Variants in XRRA1 observed in about 807,000 individuals in gnomAD.
The protein encoded by XRRA1 is X-ray radiation resistance associated 1.
In XRRA1, 69 loss-of-function variants were observed where a neutral mutation model predicts 80.2. The observed-to-expected ratio is 0.86, with a 90% CI of 0.71 to 1.05. XRRA1 has a LOEUF of 1.05. Among genes scored for constraint, XRRA1 ranks in the 50% least tolerant of loss-of-function variants. The pLI, the probability that XRRA1 is intolerant of heterozygous loss-of-function variation, is 0.00. For missense variants in XRRA1, 967 were observed against 976.4 expected (o/e 0.99, Z 0.13); for synonymous variants, 348 against 389.9 (o/e 0.89, Z 1.27).
intron 8 of XRRA1, among the ~76,000 whole-genome samples, chr11:74,910,352 C>T (rs528204080): frequency 4.6e-5 from 7 of 152,152 alleles, no homozygotes; most frequent in Non-Finnish European, 7.3e-5. Context: ...CTGTGCTGGT[C>T]GTGCCTGAGA....
intron 10 of XRRA1, among the ~76,000 whole-genome samples, chr11:74,892,363 T>G (rs1048662516): frequency 2.0e-5 from 3 of 152,322 alleles, no homozygotes; most frequent in African/African-American, 7.2e-5. Context: ...TGTAGAAAGC[T>G]GAAACTGGAT....
intron 11 of XRRA1, among the ~76,000 whole-genome samples, chr11:74,859,560 G>A (rs1164479671): frequency 5.3e-5 from 8 of 152,108 alleles, no homozygotes; most frequent in Non-Finnish European, 1.2e-4. Context: ...ATATAGCACT[G>A]GTGCAGACAT....
At chr11:74,891,857 G>A (rs1591110512) in intron 10 of XRRA1, among the ~76,000 whole-genome samples, 7 of 152,204 alleles carry the variant, frequency 4.6e-5, no homozygotes, top group African/African-American at 1.7e-4. Flanking sequence ...GCAATGTGAA[G>A]GACCTCTTCA....
chr11:74,929,698 C>G (rs1308819540), intron 6 of XRRA1, among the ~76,000 whole-genome samples: 3 of 152,202 alleles, frequency 2.0e-5, no homozygotes, highest in African/African-American at 7.2e-5. Context: ...TTTCTGGTCT[C>G]AGCTTAGGTG....
intron 5 of XRRA1, among the ~76,000 whole-genome samples, chr11:74,930,606 T>C (rs1943293341): frequency 6.6e-6 from 1 of 152,220 alleles, no homozygotes; most frequent in Non-Finnish European, 1.5e-5. Context: ...TGAAGACCCA[T>C]ATAACCACTA....
rs1278139356 is a variant in XRRA1, at chr11:74,841,820, G to A, written c.*1380C>T. ...TTGGCCCTGGTTCCAGATTAATATA[G>A]CAGCAGGCAGATTGCCCCTTCTTGG... is the stretch of plus-strand genomic sequence containing the variant. On this transcript the variant is annotated 3_prime_UTR_variant, in exon 19 of 19. Coordinates refer to ENST00000684022, the MANE Select transcript of XRRA1 (RefSeq NM_001378157.1). 1 of 152,268 alleles carries A rather than the reference G, an allele frequency of 6.6e-6. No homozygotes were observed. Among genetic ancestry groups the A allele is most frequent in the South Asian group, 2.1e-4 (1 of 4,820 alleles). 9.4% of individuals were successfully genotyped at this position (152,268 alleles called of 1,614,324 possible).
rs1192582572 is a variant in XRRA1 at position 74,845,284 on chromosome 11, A to G, written c.1729-13T>C. ...GCAGTTCACTCACCTGTGCCCAGGA[A>G]GAAAACGCATTCATTTGTCACTCAT... On this transcript the variant is annotated splice_polypyrimidine_tract_variant and intron_variant, in intron 15 of 18. Coordinates refer to ENST00000684022, the MANE Select transcript of XRRA1 (RefSeq NM_001378157.1). 2.5e-6 allele frequency: 4 copies of G among 1,602,526 alleles called. No individual in the cohort carries two copies. Among genetic ancestry groups the G allele is most frequent in the Non-Finnish European group, 3.4e-6 (4 of 1,173,238 alleles).
At chr11:74,903,812 T>C (rs1383143432) in intron 10 of XRRA1, among the ~76,000 whole-genome samples, 1 of 152,206 alleles carries the variant, frequency 6.6e-6, no homozygotes, top group East Asian at 1.9e-4. Flanking sequence ...CTCAAGACCA[T>C]ATTACCATTA....
Position 74,842,934 on chromosome 11 carries a change from G to A in XRRA1, c.*266C>T. Reference sequence around the variant, plus strand: ...GTGTGACAATGCTGCTGTGGCCTGGGTTCCAAGAAAGAATGCATGTGGCAC... The same window carrying A: ...GTGTGACAATGCTGCTGTGGCCTGGATTCCAAGAAAGAATGCATGTGGCAC... On this transcript the variant is annotated 3_prime_UTR_variant, in exon 19 of 19. Transcript: ENST00000684022. The A allele has an allele frequency of 4.3e-6, 2 of 460,734 alleles. No individual in the cohort carries two copies. Among genetic ancestry groups the A allele is most frequent in the Non-Finnish European group, 7.7e-6 (2 of 259,872 alleles). 28.5% of individuals were successfully genotyped at this position (460,734 alleles called of 1,614,324 possible). A position where few individuals can be genotyped will look rare whatever the true frequency, so the allele number is the denominator to read the frequency against.
chr11:74,865,293 C>T (rs2043164616), intron 10 of XRRA1, among the ~76,000 whole-genome samples: 1 of 152,190 alleles, frequency 6.6e-6, no homozygotes, highest in Admixed American at 6.5e-5. Flanking sequence ...TGTGTGGGCC[C>T]AGTCTGCGAT....
intron 1 of XRRA1, among the ~76,000 whole-genome samples, chr11:74,948,310 T>C (rs1371666039): frequency 6.6e-6 from 1 of 150,912 alleles, no homozygotes; most frequent in Admixed American, 6.6e-5. Flanking sequence ...ACAATATTGG[T>C]GCTCAATATA....
chr11:74,862,818 A>G (rs2135970441), intron 11 of XRRA1, among the ~76,000 whole-genome samples, 163 bp downstream of exon 11: 1 of 152,300 alleles, frequency 6.6e-6, no homozygotes, highest in South Asian at 2.1e-4. Flanking sequence ...CCAGCACAGG[A>G]CCTGGTACAT....
intron 8 of XRRA1, among the ~76,000 whole-genome samples, chr11:74,915,840 G>A (rs1206456099): frequency 6.6e-6 from 1 of 152,120 alleles, no homozygotes; most frequent in East Asian, 1.9e-4. Context: ...ATTTACGCAG[G>A]GCGGGACTGG....
chr11:74,914,499 C>T (rs1937855336), intron 8 of XRRA1, among the ~76,000 whole-genome samples: 1 of 152,146 alleles, frequency 6.6e-6, no homozygotes, highest in Non-Finnish European at 1.5e-5. Flanking sequence ...GTGTGCTGTA[C>T]AGATAGGGTA....
intron 10 of XRRA1, among the ~76,000 whole-genome samples, chr11:74,888,284 C>T (rs1242158379): frequency 3.3e-5 from 5 of 152,172 alleles, no homozygotes; most frequent in Non-Finnish European, 7.4e-5. Flanking sequence ...TGTTCTGCAG[C>T]CTCCACCGCT....
chr11:74,888,450 A>C (rs1269472299), intron 10 of XRRA1, among the ~76,000 whole-genome samples: 5 of 152,234 alleles, frequency 3.3e-5, no homozygotes, highest in African/African-American at 1.2e-4. Context: ...AAGGTAGATA[A>C]AACCACAAAG....
At chr11:74,848,041 A>G in intron 15 of XRRA1, 74 bp downstream of exon 15, 15 of 1,342,618 alleles carry the variant, frequency 1.1e-5, no homozygotes, top group Non-Finnish European at 1.5e-5. Flanking sequence ...TGTCCACAGC[A>G]ATCGAGCCTA....
Position 74,840,910 on chromosome 11 carries a change from T to C in XRRA1, c.*2290A>G, listed in dbSNP as rs1218845531. ...TGACACACGCAGACACACGCACCAA[T>C]GATGGGGATACCCCCAAATGATTTA... On this transcript the variant is annotated 3_prime_UTR_variant, in exon 19 of 19. Coordinates refer to ENST00000684022, the MANE Select transcript of XRRA1 (RefSeq NM_001378157.1). 1 of 151,036 alleles carries C rather than the reference T, an allele frequency of 6.6e-6. No individual in the cohort carries two copies. Among genetic ancestry groups the C allele is most frequent in the South Asian group, 2.1e-4 (1 of 4,776 alleles). 9.4% of individuals were successfully genotyped at this position (151,036 alleles called of 1,614,324 possible).
intron 14 of XRRA1, among the ~76,000 whole-genome samples, chr11:74,849,779 A>G (rs551037459): frequency 3.5e-4 from 53 of 152,098 alleles, no homozygotes; most frequent in Non-Finnish European, 5.9e-4. Context: ...TTTATCTTCC[A>G]TTTGTGTCCT....
Sources: allele counts gnomAD v4.1 joint callset (sites outside exome capture counted in the v4.1 genomes callset), GRCh38; gene constraint gnomAD v4.1.1; transcripts MANE v1.5; gene names NCBI Gene and HGNC (gene_info 2026-07-23, HGNC 2026-07-21).